Variants in XRRA1 observed in about 807,000 individuals in gnomAD.
XRRA1 encodes X-ray radiation resistance associated 1.
Under a neutral mutation model 80.2 loss-of-function variants are expected in XRRA1, and 69 were observed. That is an observed-to-expected ratio of 0.86 (90% CI 0.71 to 1.05). The LOEUF (loss-of-function observed/expected upper bound fraction) is 1.05. XRRA1 is among the 50% of genes least tolerant of loss of function. The probability of loss-of-function intolerance (pLI) is 0.00; values close to 1 mark genes in which losing one functional copy is unlikely to be tolerated. For synonymous variants in XRRA1, 348 were observed against 389.9 expected, an observed-to-expected ratio of 0.89 and a Z score of 1.27; for missense variants, 967 against 976.4, an observed-to-expected ratio of 0.99 and a Z score of 0.13.
chr11:74,878,744 T>C (rs1277459419), intron 10 of XRRA1, among the ~76,000 whole-genome samples: 1 of 150,318 alleles, frequency 6.7e-6, no homozygotes, highest in African/African-American at 2.4e-5. Context: ...TGCTTGTTTT[T>C]CTCAGGTTTG....
intron 8 of XRRA1, chr11:74,919,734 C>T (rs1187697494): frequency 1.9e-5 from 9 of 463,106 alleles, no homozygotes; most frequent in Admixed American, 2.7e-5. Flanking sequence ...CAAAGAGATT[C>T]GGAAATTTGT....
rs568293875 is a variant in XRRA1 at position 74,914,879 on chromosome 11, CAGCA to C, written c.656+6331_656+6334del. ...GAAAGCAATATTTGAAATCAGGCTC[CAGCA>C]AGACTGGAAAAGTTGCAGGAATATA... On this transcript the variant is annotated intron_variant, in intron 8 of 18. Coordinates refer to ENST00000684022, the MANE Select transcript of XRRA1 (RefSeq NM_001378157.1). Among the ~76,000 whole-genome samples the C allele has an allele frequency of 4.6e-5, 7 of 152,232 alleles. No homozygotes were observed. The South Asian group carries it at 1.0e-3, about 23-fold the overall frequency.
At chr11:74,890,786 T>C (rs777401799) in intron 10 of XRRA1, among the ~76,000 whole-genome samples, 1 of 152,128 alleles carries the variant, frequency 6.6e-6, no homozygotes, top group Admixed American at 6.5e-5. Flanking sequence ...TCTATGCAAA[T>C]AAACTAGAAA....
chr11:74,922,485 A>G (rs1053039909), intron 7 of XRRA1, among the ~76,000 whole-genome samples: 2 of 152,076 alleles, frequency 1.3e-5, no homozygotes, highest in Admixed American at 6.5e-5. Flanking sequence ...CCTTCTCCTA[A>G]GCCTCCATAG....
At chr11:74,891,246 A>T (rs1164485218) in intron 10 of XRRA1, among the ~76,000 whole-genome samples, 1 of 152,238 alleles carries the variant, frequency 6.6e-6, no homozygotes, top group Non-Finnish European at 1.5e-5. Flanking sequence ...AGGCTGGTTC[A>T]ACATATGCAA....
intron 16 of XRRA1, 84 bp from the exon 17 acceptor site, chr11:74,844,367 T>A: frequency 1.1e-6 from 1 of 944,466 alleles, no homozygotes; most frequent in Non-Finnish European, 1.7e-6. Flanking sequence ...TTCCTCAGTC[T>A]CACAGCAGCT....
intron 10 of XRRA1, among the ~76,000 whole-genome samples, chr11:74,866,539 A>C (rs2043450068): frequency 6.6e-6 from 1 of 152,152 alleles, no homozygotes. Flanking sequence ...TATAGGCATG[A>C]GTCACTATGC....
intron 4 of XRRA1, among the ~76,000 whole-genome samples, chr11:74,935,077 T>C (rs1944607824): frequency 1.3e-5 from 2 of 152,352 alleles, no homozygotes; most frequent in Middle Eastern, 3.4e-3. Flanking sequence ...CTCATTCCCC[T>C]AACTCATGAC....
At chr11:74,937,106 C>A (rs558424164) in intron 3 of XRRA1, 38 bp from the exon 4 acceptor site, 1 of 1,589,828 alleles carries the variant, frequency 6.3e-7, no homozygotes, top group East Asian at 2.2e-5. Context: ...GGGGAAAACT[C>A]CAAAGCTACA....
intron 10 of XRRA1, among the ~76,000 whole-genome samples, chr11:74,886,603 T>G (rs942029984): frequency 6.6e-6 from 1 of 151,840 alleles, no homozygotes; most frequent in South Asian, 2.1e-4. Context: ...ATGCCCGTGA[T>G]AGGAGGAATC....
intron 8 of XRRA1, among the ~76,000 whole-genome samples, chr11:74,916,654 G>T (rs1938805844): frequency 6.6e-6 from 1 of 151,574 alleles, no homozygotes; most frequent in Non-Finnish European, 1.5e-5. Flanking sequence ...ACTTTCTCAG[G>T]GATAGTTTCT....
chr11:74,931,334 T>A (rs1943514082), intron 5 of XRRA1, among the ~76,000 whole-genome samples: 1 of 152,062 alleles, frequency 6.6e-6, no homozygotes, highest in African/African-American at 2.4e-5. Flanking sequence ...CAATTTTTTT[T>A]TTTTTTTTGA....
chr11:74,894,308 G>A (rs1246547965), intron 10 of XRRA1, among the ~76,000 whole-genome samples: 1 of 152,188 alleles, frequency 6.6e-6, no homozygotes, highest in Non-Finnish European at 1.5e-5. Flanking sequence ...TACCTGTCCA[G>A]TACTATTCTT....
chr11:74,897,273 CAGA>C (rs560345266), intron 10 of XRRA1, among the ~76,000 whole-genome samples: 111 of 151,584 alleles, frequency 7.3e-4, no homozygotes, highest in South Asian at 2.1e-3. Flanking sequence ...AAGGATCAAG[CAGA>C]AGAATTAGTG....
chr11:74,880,366 G>T (rs1590931081), intron 10 of XRRA1, among the ~76,000 whole-genome samples: 2 of 151,370 alleles, frequency 1.3e-5, no homozygotes, highest in African/African-American at 2.4e-5. Context: ...TTCTTTATTA[G>T]TCTTGCTAGC....
chr11:74,845,231 A>T lies in XRRA1; in HGVS notation c.1769T>A (p.Leu590Ter). 2 of 1,613,956 alleles carry T rather than the reference A, an allele frequency of 1.2e-6. No homozygotes were observed. Among genetic ancestry groups the T allele is most frequent in the Non-Finnish European group, 1.7e-6 (2 of 1,179,858 alleles). ...LPSSVIHKDD[L>*]ELKEKDQKKP... ...CTTTTGGTCTTTCTCCTTTAACTCT[A>T]AATCATCCTTATGGATGACGGAGGA... is the stretch of plus-strand genomic sequence containing the variant. Residue 590 changes from leucine (L) to a stop codon, truncating the protein, a stop_gained, in exon 16 of 19, where the codon TTA (leucine) becomes TAA (stop). Transcript: ENST00000684022. LOFTEE classifies it high-confidence loss of function.
intron 8 of XRRA1, among the ~76,000 whole-genome samples, chr11:74,918,595 T>C (rs1010196152): frequency 2.0e-5 from 3 of 152,206 alleles, no homozygotes; most frequent in African/African-American, 7.2e-5. Flanking sequence ...GGAGGGTAGC[T>C]ATTGGGGTTC....
At chr11:74,854,891 C>T (rs1414379581) in intron 12 of XRRA1, among the ~76,000 whole-genome samples, 1 of 151,768 alleles carries the variant, frequency 6.6e-6, no homozygotes, top group Non-Finnish European at 1.5e-5. Flanking sequence ...ACAACAAAAC[C>T]CCACAAAAAT....
intron 10 of XRRA1, among the ~76,000 whole-genome samples, chr11:74,899,232 T>C (rs936941229): frequency 1.2e-4 from 18 of 151,844 alleles, no homozygotes; most frequent in African/African-American, 4.1e-4. Context: ...GGACACAACA[T>C]ACCAAAACAT....
Sources: allele counts gnomAD v4.1 joint callset (sites outside exome capture counted in the v4.1 genomes callset), GRCh38; gene constraint gnomAD v4.1.1; transcripts MANE v1.5; gene names NCBI Gene and HGNC (gene_info 2026-07-23, HGNC 2026-07-21).